The following KCNIP4 variants were observed in gnomAD, a reference collection of about 807,000 sequenced individuals.
The protein encoded by KCNIP4 is Kv channel-interacting protein 4.
A neutral mutation model predicts 34.0 loss-of-function variants in KCNIP4; 12 were observed. The ratio of observed to expected loss-of-function variants is 0.35; its 90% CI spans 0.23 to 0.57. The LOEUF (loss-of-function observed/expected upper bound fraction) is 0.57. KCNIP4 is among the 20% of genes least tolerant of loss of function. The pLI is 0.83. For missense variants in KCNIP4, 238 were observed against 311.7 expected (o/e 0.76, Z 1.78); for synonymous variants, 124 against 102.2 (o/e 1.21, Z -1.29).
intron 1 of KCNIP4, among the ~76,000 whole-genome samples, chr4:21,547,555 A>T (rs933599548): frequency 6.6e-6 from 1 of 151,940 alleles, no homozygotes; most frequent in African/African-American, 2.4e-5. Context: ...CTCTTTGGGC[A>T]ACAGTCCCTG....
chr4:21,045,948 G>A (rs1742389249), intron 1 of KCNIP4, among the ~76,000 whole-genome samples: 1 of 152,146 alleles, frequency 6.6e-6, no homozygotes, highest in African/African-American at 2.4e-5. Context: ...ACATTAATGG[G>A]ATTTTTTGCA....
At chr4:21,921,008 C>T (rs963615706) in intron 1 of KCNIP4, among the ~76,000 whole-genome samples, 3 of 152,140 alleles carry the variant, frequency 2.0e-5, no homozygotes, top group African/African-American at 7.2e-5. Context: ...TGGACTTTTA[C>T]TTTTAAGGCC....
At chr4:21,342,974 T>C (rs1000433326) in intron 1 of KCNIP4, among the ~76,000 whole-genome samples, 1 of 152,162 alleles carries the variant, frequency 6.6e-6, no homozygotes. Flanking sequence ...ACTGTTCATT[T>C]TTTTTTCTGA....
chr4:21,051,465 G>T (rs1354391177), intron 1 of KCNIP4, among the ~76,000 whole-genome samples: 1 of 152,090 alleles, frequency 6.6e-6, no homozygotes, highest in Admixed American at 6.6e-5. Flanking sequence ...TGTTTTACTT[G>T]CCACTAGCTG....
intron 1 of KCNIP4, among the ~76,000 whole-genome samples, chr4:20,999,551 G>A (rs1737914747): frequency 6.6e-6 from 1 of 151,558 alleles, no homozygotes; most frequent in South Asian, 2.1e-4. Context: ...TTGCTGTGTG[G>A]ACAAGTGATT....
At chr4:21,069,589 G>A (rs1744713316) in intron 1 of KCNIP4, among the ~76,000 whole-genome samples, 1 of 152,158 alleles carries the variant, frequency 6.6e-6, no homozygotes, top group Non-Finnish European at 1.5e-5. Context: ...CATACCAGAA[G>A]TGGGAGAGGA....
At chr4:21,617,717 T>C (rs1744701999) in intron 1 of KCNIP4, among the ~76,000 whole-genome samples, 1 of 152,208 alleles carries the variant, frequency 6.6e-6, no homozygotes, top group Non-Finnish European at 1.5e-5. Context: ...GAGAATGTTT[T>C]ATTCCACCCT....
intron 1 of KCNIP4, among the ~76,000 whole-genome samples, chr4:21,856,784 C>T (rs370338364): frequency 6.6e-6 from 1 of 152,154 alleles, no homozygotes; most frequent in African/African-American, 2.4e-5. Context: ...TCTGCCTGGC[C>T]TTTCCCCACT....
intron 1 of KCNIP4, among the ~76,000 whole-genome samples, chr4:21,924,151 G>T (rs1729096693): frequency 6.6e-6 from 1 of 150,738 alleles, no homozygotes; most frequent in South Asian, 2.1e-4. Flanking sequence ...TCTTGTTGAA[G>T]AAAGAAAAAT....
chr4:21,921,395 G>GA (rs1043153191), intron 1 of KCNIP4, among the ~76,000 whole-genome samples: 3 of 152,042 alleles, frequency 2.0e-5, no homozygotes, highest in Admixed American at 6.6e-5. Context: ...CAATTTTAAA[G>GA]AAAATATACA....
chr4:21,196,793 T>C (rs763099853), intron 1 of KCNIP4, among the ~76,000 whole-genome samples: 6 of 152,214 alleles, frequency 3.9e-5, no homozygotes, highest in Non-Finnish European at 7.3e-5. Flanking sequence ...TGTCTCTTTA[T>C]TCAATTTAAC....
chr4:21,255,094 C>G (rs958705076), intron 1 of KCNIP4, among the ~76,000 whole-genome samples: 2 of 152,108 alleles, frequency 1.3e-5, no homozygotes, highest in African/African-American at 2.4e-5. Context: ...TACCCCCACC[C>G]TGGCTGTTGC....
At position 21,446,567 on chromosome 4, in the gene KCNIP4, T is replaced by C. The variant is rs1023343514; in HGVS notation, c.61+502004A>G. ...GCATGTTCTCACTTATAGGTGGGAA[T>C]TGAACAATGAGAACACTTGGACACA... On this transcript the variant is annotated intron_variant, in intron 1 of 8. Transcript: ENST00000382152. Among the ~76,000 whole-genome samples the C allele has an allele frequency of 4.3e-5, 6 of 138,610 alleles. 1 individual carries two copies. Among genetic ancestry groups the C allele is most frequent in the Admixed American group, 4.1e-4 (5 of 12,058 alleles). The allele number at this position is 138,610 out of a possible 152,430, so 90.9% of individuals were successfully genotyped here.
intron 1 of KCNIP4, among the ~76,000 whole-genome samples, chr4:21,346,079 TTTA>T (rs1560311038): frequency 1.0e-4 from 13 of 128,228 alleles, no homozygotes; most frequent in East Asian, 8.4e-4. Flanking sequence ...AATATATATA[TTTA>T]AGATATTTAA....
chr4:20,779,769 A>G (rs1756706021), intron 3 of KCNIP4, among the ~76,000 whole-genome samples: 1 of 152,160 alleles, frequency 6.6e-6, no homozygotes, highest in Non-Finnish European at 1.5e-5. Flanking sequence ...ATGATGGACC[A>G]GAGAGACATT....
At chr4:21,309,333 CT>C (rs1712868785) in intron 1 of KCNIP4, among the ~76,000 whole-genome samples, 4 of 152,020 alleles carry the variant, frequency 2.6e-5, no homozygotes, top group Admixed American at 1.3e-4. Flanking sequence ...CATTCAATTG[CT>C]AAAGTTGTGG....
intron 1 of KCNIP4, among the ~76,000 whole-genome samples, chr4:21,414,737 T>C (rs1317557712): frequency 6.6e-6 from 1 of 152,188 alleles, no homozygotes; most frequent in Non-Finnish European, 1.5e-5. Context: ...CAATGGAATA[T>C]TATTGAATCT....
intron 1 of KCNIP4, among the ~76,000 whole-genome samples, chr4:20,907,575 G>C (rs1727895881): frequency 6.6e-6 from 1 of 152,076 alleles, no homozygotes; most frequent in Admixed American, 6.5e-5. Flanking sequence ...AAACTGCTAT[G>C]GACAACTTCA....
At chr4:21,768,226 C>A (rs1300586189) in intron 1 of KCNIP4, among the ~76,000 whole-genome samples, 4 of 151,992 alleles carry the variant, frequency 2.6e-5, no homozygotes, top group Non-Finnish European at 4.4e-5. Context: ...ATACAGTATG[C>A]ATCTTAACAC....
Sources: gnomAD v4.1 joint callset for allele counts (sites outside exome capture counted in the v4.1 genomes callset) on GRCh38, gnomAD v4.1.1 for gene constraint, MANE v1.5 for transcripts, NCBI Gene and HGNC (gene_info 2026-07-23, HGNC 2026-07-21) for gene names.